Variants in BMAL2 observed in about 807,000 individuals in gnomAD.
BMAL2 encodes basic helix-loop-helix ARNT-like protein 2.
At chr12:27,341,663 C>T in the BMAL2 span, among the ~76,000 whole-genome samples, 2 of 152,144 alleles carry the variant, frequency 1.3e-5, no homozygotes, top group Non-Finnish European at 2.9e-5. Flanking sequence ...TTCTACCATC[C>T]CCATCACTCT....
chr12:27,365,698 G>A, the BMAL2 span, among the ~76,000 whole-genome samples: 1 of 150,376 alleles, frequency 6.6e-6, no homozygotes, highest in South Asian at 2.1e-4. Context: ...TAAATTTCTA[G>A]GGCATCTCAA....
the BMAL2 span, among the ~76,000 whole-genome samples, chr12:27,349,346 A>G: frequency 6.6e-6 from 1 of 152,256 alleles, no homozygotes; most frequent in African/African-American, 2.4e-5. Context: ...TTTAATTCAC[A>G]GCAATGATTA....
the BMAL2 span, chr12:27,418,189 ACTC>A: frequency 6.2e-7 from 1 of 1,602,258 alleles, no homozygotes; most frequent in Non-Finnish European, 8.5e-7. Context: ...GCCATGAGCC[ACTC>A]CTCAGTAAGT....
At chr12:27,410,121 A>G in the BMAL2 span, among the ~76,000 whole-genome samples, 1 of 151,370 alleles carries the variant, frequency 6.6e-6, no homozygotes, top group Admixed American at 6.6e-5. Flanking sequence ...ATGTTGAGAA[A>G]TAGGAACACT....
At chr12:27,390,422 T>C in the BMAL2 span, 1 of 625,140 alleles carries the variant, frequency 1.6e-6, no homozygotes, top group South Asian at 2.1e-5. Context: ...TTCGAATTTA[T>C]CAGGTAATTA....
chr12:27,333,536 C>T, the BMAL2 span, among the ~76,000 whole-genome samples: 1 of 152,264 alleles, frequency 6.6e-6, no homozygotes, highest in Non-Finnish European at 1.5e-5. Flanking sequence ...TTGTGTAAAC[C>T]AGTTGTCAGC....
chr12:27,405,136 G>T, the BMAL2 span, among the ~76,000 whole-genome samples: 1 of 152,164 alleles, frequency 6.6e-6, no homozygotes, highest in East Asian at 1.9e-4. Flanking sequence ...GCAGCTCAAG[G>T]AAGCCTGCCT....
At chr12:27,410,420 A>C in the BMAL2 span, among the ~76,000 whole-genome samples, 3 of 152,254 alleles carry the variant, frequency 2.0e-5, no homozygotes, top group Admixed American at 1.3e-4. Flanking sequence ...CAGCCATAAA[A>C]AATGATGAGT....
At chr12:27,369,758 CAG>C in the BMAL2 span, among the ~76,000 whole-genome samples, 1 of 152,178 alleles carries the variant, frequency 6.6e-6, no homozygotes, top group Admixed American at 6.5e-5. Context: ...ATGGAGGGCA[CAG>C]ATGAGACCTT....
At chr12:27,415,919 A>T in the BMAL2 span, 1 of 1,606,488 alleles carries the variant, frequency 6.2e-7, no homozygotes, top group South Asian at 1.1e-5. Context: ...GGTTTAATGA[A>T]AGATACTCAT....
At chr12:27,404,848 C>T in the BMAL2 span, among the ~76,000 whole-genome samples, 1 of 152,184 alleles carries the variant, frequency 6.6e-6, no homozygotes, top group Non-Finnish European at 1.5e-5. Flanking sequence ...ATTCCCTTTC[C>T]TAGTCAAAGG....
chr12:27,414,693 TAAG>T, the BMAL2 span, among the ~76,000 whole-genome samples: 3 of 151,986 alleles, frequency 2.0e-5, no homozygotes, highest in African/African-American at 2.4e-5. Flanking sequence ...ATACCTATGT[TAAG>T]AAAAAAACCC....
chr12:27,376,674 A>C, the BMAL2 span, among the ~76,000 whole-genome samples: 1 of 152,144 alleles, frequency 6.6e-6, no homozygotes, highest in Non-Finnish European at 1.5e-5. Context: ...ACTTAAACAA[A>C]TCAGTTACTT....
chr12:27,363,035 C>A, the BMAL2 span, among the ~76,000 whole-genome samples: 1 of 152,108 alleles, frequency 6.6e-6, no homozygotes, highest in Non-Finnish European at 1.5e-5. Context: ...AAACTTCTGG[C>A]CTTACGTGAT....
chr12:27,389,054 C>A, the BMAL2 span: 1 of 743,782 alleles, frequency 1.3e-6, no homozygotes, highest in Non-Finnish European at 2.4e-6. Context: ...CACACAGTGT[C>A]GTGGACATAT....
chr12:27,397,752 G>C, the BMAL2 span, among the ~76,000 whole-genome samples: 1 of 152,236 alleles, frequency 6.6e-6, no homozygotes, highest in East Asian at 1.9e-4. Flanking sequence ...CTGAAGTTGT[G>C]AAATCGCAGG....
the BMAL2 span, among the ~76,000 whole-genome samples, chr12:27,403,049 T>C: frequency 6.6e-6 from 1 of 152,248 alleles, no homozygotes; most frequent in African/African-American, 2.4e-5. Flanking sequence ...ACATTGTTCC[T>C]TGTCAATTGT....
the BMAL2 span, among the ~76,000 whole-genome samples, chr12:27,386,581 C>A: frequency 6.6e-6 from 1 of 152,176 alleles, no homozygotes; most frequent in African/African-American, 2.4e-5. Context: ...CATCCACAGG[C>A]AATTGTTGTT....
the BMAL2 span, among the ~76,000 whole-genome samples, chr12:27,364,718 A>C: frequency 6.6e-6 from 1 of 152,190 alleles, no homozygotes; most frequent in Non-Finnish European, 1.5e-5. Context: ...GAGGAATTAC[A>C]CATCTATTTT....
Sources: gnomAD v4.1 joint callset for allele counts (sites outside exome capture counted in the v4.1 genomes callset) on GRCh38, gnomAD v4.1.1 for gene constraint, MANE v1.5 for transcripts, NCBI Gene and HGNC (gene_info 2026-07-23, HGNC 2026-07-21) for gene names.